Variants in CFAP61 observed in about 807,000 individuals in gnomAD.
The protein encoded by CFAP61 is cilia and flagella associated protein 61.
Under a neutral mutation model 135.6 loss-of-function variants are expected in CFAP61, and 107 were observed. The observed-to-expected ratio is 0.79, with a 90% CI of 0.67 to 0.93. The LOEUF is 0.93. Ranked by LOEUF, CFAP61 falls within the 40% of genes least tolerant of loss-of-function variation. The pLI is 0.00. For synonymous variants in CFAP61, 575 were observed against 578.5 expected (o/e 0.99, Z 0.09); for missense variants, 1,507 against 1,556.2 (o/e 0.97, Z 0.53).
intron 25 of CFAP61, among the ~76,000 whole-genome samples, chr20:20,325,550 C>G (rs2057712347): frequency 6.6e-6 from 1 of 152,194 alleles, no homozygotes; most frequent in African/African-American, 2.4e-5. Flanking sequence ...TAAGGTTCCT[C>G]CATGTCTTTT....
chr20:20,151,642 C>A (rs531777220), intron 9 of CFAP61, among the ~76,000 whole-genome samples: 2 of 151,560 alleles, frequency 1.3e-5, no homozygotes, highest in Non-Finnish European at 2.9e-5. Flanking sequence ...CTGACTAACA[C>A]AGTGAAACCC....
At chr20:20,323,622 C>T (rs530115992) in intron 25 of CFAP61, among the ~76,000 whole-genome samples, 3 of 152,198 alleles carry the variant, frequency 2.0e-5, no homozygotes, top group African/African-American at 7.2e-5. Context: ...CCTAGAGGCA[C>T]CTAGAAAGAA....
At chr20:20,297,919 G>A (rs900964347) in intron 24 of CFAP61, among the ~76,000 whole-genome samples, 6 of 152,186 alleles carry the variant, frequency 3.9e-5, no homozygotes, top group Non-Finnish European at 8.8e-5. Flanking sequence ...TAAAGGGTTG[G>A]TTGTAACCTA....
chr20:20,107,011 T>G (rs1568918474), intron 8 of CFAP61, among the ~76,000 whole-genome samples: 2 of 152,218 alleles, frequency 1.3e-5, no homozygotes, highest in African/African-American at 2.4e-5. Context: ...ACTGGGTGTT[T>G]GATCCTGCTG....
At chr20:20,219,865 C>T (rs2048281442) in intron 17 of CFAP61, among the ~76,000 whole-genome samples, 1 of 152,146 alleles carries the variant, frequency 6.6e-6, no homozygotes. Flanking sequence ...TCCTGAAACA[C>T]TTGTACCTTC....
chr20:20,168,430 G>T (rs2207097), intron 12 of CFAP61, among the ~76,000 whole-genome samples: 1 of 152,134 alleles, frequency 6.6e-6, no homozygotes, highest in Non-Finnish European at 1.5e-5. Flanking sequence ...TCTTTTTCTC[G>T]TACTGAGTCT....
At chr20:20,126,851 A>T (rs1471461658) in intron 8 of CFAP61, among the ~76,000 whole-genome samples, 1 of 151,808 alleles carries the variant, frequency 6.6e-6, no homozygotes, top group Non-Finnish European at 1.5e-5. Flanking sequence ...AGGAATACTG[A>T]TTATTCTTAG....
chr20:20,330,933 A>G (rs796108430), intron 25 of CFAP61, among the ~76,000 whole-genome samples: 8 of 152,314 alleles, frequency 5.3e-5, no homozygotes, highest in Admixed American at 2.0e-4. Flanking sequence ...TGGAGGCTGC[A>G]GGTTTCTTCC....
chr20:20,336,324 T>C (rs1266679301), intron 25 of CFAP61, among the ~76,000 whole-genome samples: 1 of 152,158 alleles, frequency 6.6e-6, no homozygotes, highest in Non-Finnish European at 1.5e-5. Flanking sequence ...TTATTTCAGT[T>C]TTTTTAAAGA....
chr20:20,265,546 C>A, intron 21 of CFAP61: 1 of 774,498 alleles, frequency 1.3e-6, no homozygotes, highest in Non-Finnish European at 2.4e-6. Flanking sequence ...TGCATAAAGC[C>A]ATTTGGAGTG....
At chr20:20,109,055 T>C (rs574054323) in intron 8 of CFAP61, among the ~76,000 whole-genome samples, 1 of 152,330 alleles carries the variant, frequency 6.6e-6, no homozygotes, top group Admixed American at 6.5e-5. Context: ...ACCTAGCCCA[T>C]AATTTTGTAG....
chr20:20,107,379 A>C (rs2048484539), intron 8 of CFAP61, among the ~76,000 whole-genome samples: 1 of 152,202 alleles, frequency 6.6e-6, no homozygotes, highest in Admixed American at 6.5e-5. Flanking sequence ...CTCACTCAGT[A>C]GAAGACCTGG....
chr20:20,124,795 T>C (rs2049946865), intron 8 of CFAP61, among the ~76,000 whole-genome samples: 2 of 151,860 alleles, frequency 1.3e-5, no homozygotes, highest in African/African-American at 4.9e-5. Context: ...GAAAGATTGG[T>C]ACCAATTCTT....
At chr20:20,098,946 C>A in intron 8 of CFAP61, 132 bp downstream of exon 8, 1 of 791,668 alleles carries the variant, frequency 1.3e-6, no homozygotes, top group Non-Finnish European at 1.9e-6. Flanking sequence ...AGGAGTAGTT[C>A]CCATGGTTGG....
chr20:20,096,785 C>T (rs887829909), intron 7 of CFAP61, among the ~76,000 whole-genome samples: 1 of 152,206 alleles, frequency 6.6e-6, no homozygotes, highest in Non-Finnish European at 1.5e-5. Context: ...CCTTTGTTCA[C>T]GAGTGCAAAC....
chr20:20,295,349 C>T (rs1164799252), intron 24 of CFAP61, among the ~76,000 whole-genome samples: 1 of 152,142 alleles, frequency 6.6e-6, no homozygotes, highest in African/African-American at 2.4e-5. Flanking sequence ...TTAATCACTT[C>T]CAACAATGAA....
intron 6 of CFAP61, among the ~76,000 whole-genome samples, chr20:20,082,074 C>T (rs541245085): frequency 2.0e-5 from 3 of 152,318 alleles, no homozygotes; most frequent in Admixed American, 1.3e-4. Context: ...TGGACTACCT[C>T]CCTCCTTAAC....
chr20:20,150,394 C>A (rs2424285), intron 9 of CFAP61, among the ~76,000 whole-genome samples: 1 of 152,108 alleles, frequency 6.6e-6, no homozygotes, highest in Admixed American at 6.5e-5. Context: ...CCCCCTTCTA[C>A]TATTGCAGCT....
intron 20 of CFAP61, 74 bp from the exon 21 acceptor site, chr20:20,262,882 A>C (rs1259800800): frequency 1.3e-6 from 1 of 767,204 alleles, no homozygotes; most frequent in Non-Finnish European, 2.0e-6. Flanking sequence ...TGCTATGTCT[A>C]CTTTTTTTTT....
Sources: allele counts gnomAD v4.1 joint callset (sites outside exome capture counted in the v4.1 genomes callset), GRCh38; gene constraint gnomAD v4.1.1; transcripts MANE v1.5; gene names NCBI Gene and HGNC (gene_info 2026-07-23, HGNC 2026-07-21).